TMEFF2: variants seen among roughly 807,000 people sequenced by gnomAD.
The protein encoded by TMEFF2 is transmembrane protein with EGF like and two follistatin like domains 2.
A neutral mutation model predicts 53.8 loss-of-function variants in TMEFF2; 28 were observed. That is an observed-to-expected ratio of 0.52 (90% CI 0.39 to 0.71). The LOEUF is 0.71. Among genes scored for constraint, TMEFF2 ranks in the 30% least tolerant of loss-of-function variants. The pLI, the probability that TMEFF2 is intolerant of heterozygous loss-of-function variation, is 0.00. For missense variants in TMEFF2, 353 were observed against 455.2 expected (o/e 0.78, Z 2.04); for synonymous variants, 162 against 166.3 (o/e 0.97, Z 0.20).
intron 5 of TMEFF2, among the ~76,000 whole-genome samples, chr2:192,024,451 A>AT: frequency 6.6e-6 from 1 of 152,334 alleles, no homozygotes; most frequent in African/African-American, 2.4e-5. Context: ...ATGGTATAGA[A>AT]TAGAGCTGTG....
At chr2:192,027,728 T>C (rs1027424032) in intron 5 of TMEFF2, 1 of 152,222 alleles carries the variant, frequency 6.6e-6, no homozygotes, top group Non-Finnish European at 1.5e-5. Context: ...TAATGTTCTG[T>C]TGTCATCAAC....
intron 3 of TMEFF2, 84 bp downstream of exon 3, chr2:192,184,270 T>C: frequency 6.6e-7 from 1 of 1,516,938 alleles, no homozygotes; most frequent in Non-Finnish European, 9.0e-7. Context: ...CTGAATTATT[T>C]ATTGGGAGAT....
intron 7 of TMEFF2, among the ~76,000 whole-genome samples, chr2:191,976,254 A>G (rs953061942): frequency 2.6e-5 from 4 of 152,204 alleles, no homozygotes; most frequent in Non-Finnish European, 5.9e-5. Context: ...GGGGATAATC[A>G]TAGTATTTGC....
chr2:191,974,003 C>G (rs773546471), intron 7 of TMEFF2, among the ~76,000 whole-genome samples: 2 of 152,124 alleles, frequency 1.3e-5, no homozygotes, highest in Non-Finnish European at 2.9e-5. Context: ...TATAAATTAT[C>G]CAATCTTGGA....
intron 4 of TMEFF2, among the ~76,000 whole-genome samples, chr2:192,157,442 A>G (rs558523246): frequency 8.0e-4 from 122 of 152,188 alleles, no homozygotes; most frequent in African/African-American, 2.9e-3. Flanking sequence ...ATAAAAACAC[A>G]TAAAAGTTAG....
At chr2:192,053,735 T>C (rs1448480150) in intron 5 of TMEFF2, among the ~76,000 whole-genome samples, 1 of 152,206 alleles carries the variant, frequency 6.6e-6, no homozygotes, top group African/African-American at 2.4e-5. Flanking sequence ...CTTGATTTAG[T>C]GAAGGTTCTG....
At chr2:192,088,730 T>G (rs1688721015) in intron 4 of TMEFF2, among the ~76,000 whole-genome samples, 1 of 152,152 alleles carries the variant, frequency 6.6e-6, no homozygotes, top group Non-Finnish European at 1.5e-5. Context: ...CTATTCCTTT[T>G]GCCTAAAATT....
chr2:192,006,619 T>TC (rs1686507879), intron 5 of TMEFF2, among the ~76,000 whole-genome samples: 1 of 152,180 alleles, frequency 6.6e-6, no homozygotes, highest in Non-Finnish European at 1.5e-5. Flanking sequence ...AGATAATGAC[T>TC]CAAGACTGTA....
chr2:192,048,352 T>G (rs985449685), intron 5 of TMEFF2, among the ~76,000 whole-genome samples: 1 of 95,134 alleles, frequency 1.1e-5, no homozygotes, highest in African/African-American at 4.5e-5. Context: ...TATTATTAGA[T>G]TCTCATAAAA....
intron 4 of TMEFF2, among the ~76,000 whole-genome samples, chr2:192,058,380 G>A (rs1687962987): frequency 6.6e-6 from 1 of 151,942 alleles, no homozygotes. Context: ...ATTGCATAGA[G>A]CTAATCACAG....
At position 192,148,143 on chromosome 2, in the gene TMEFF2, G is replaced by T. The variant is rs570299391; in HGVS notation, c.439+31525C>A. Reference sequence around the variant, plus strand: ...AATTTGGGCTATATTTCAAGGACAAGCTCCACTAACCTTTCTGCTCTTTTC... The same window carrying T: ...AATTTGGGCTATATTTCAAGGACAATCTCCACTAACCTTTCTGCTCTTTTC... On this transcript the variant is annotated intron_variant, in intron 4 of 9. Transcript: ENST00000272771. 5.9e-5 allele frequency among the ~76,000 whole-genome samples: 9 copies of T among 152,074 alleles called. No homozygotes were observed. The East Asian group carries it at 1.7e-3, about 30-fold the overall frequency.
At chr2:192,116,154 A>T (rs10469743) in intron 4 of TMEFF2, among the ~76,000 whole-genome samples, 2 of 151,930 alleles carry the variant, frequency 1.3e-5, no homozygotes, top group Non-Finnish European at 2.9e-5. Context: ...TTTTTTTCAG[A>T]CTTAAAAAGA....
chr2:192,092,941 G>A (rs1574365783), intron 4 of TMEFF2, among the ~76,000 whole-genome samples: 1 of 152,054 alleles, frequency 6.6e-6, no homozygotes, highest in East Asian at 1.9e-4. Context: ...TCTGACATCC[G>A]GGGCTATAAG....
chr2:192,001,795 C>T (rs939006668), intron 5 of TMEFF2, among the ~76,000 whole-genome samples: 4 of 152,138 alleles, frequency 2.6e-5, no homozygotes, highest in Non-Finnish European at 4.4e-5. Flanking sequence ...TCCCTACCCA[C>T]GTGGAACTGT....
At chr2:192,134,332 T>C (rs1223185928) in intron 4 of TMEFF2, among the ~76,000 whole-genome samples, 1 of 152,180 alleles carries the variant, frequency 6.6e-6, no homozygotes, top group Non-Finnish European at 1.5e-5. Context: ...ATCCACCTGA[T>C]GTTCATCCCA....
At chr2:192,182,152 AATAAAT>A (rs1035828543) in intron 3 of TMEFF2, among the ~76,000 whole-genome samples, 1 of 151,964 alleles carries the variant, frequency 6.6e-6, no homozygotes, top group Non-Finnish European at 1.5e-5. Flanking sequence ...AATGAAATAT[AATAAAT>A]ATAAAGTTAT....
chr2:192,067,808 C>T (rs1259654386), intron 4 of TMEFF2, among the ~76,000 whole-genome samples: 1 of 151,852 alleles, frequency 6.6e-6, no homozygotes, highest in Non-Finnish European at 1.5e-5. Context: ...CTGTTAATAA[C>T]TTACTCCATG....
chr2:192,078,637 T>C (rs1688486073), intron 4 of TMEFF2, among the ~76,000 whole-genome samples: 1 of 152,208 alleles, frequency 6.6e-6, no homozygotes. Flanking sequence ...GGACCCTGAT[T>C]AGCTCTTTCT....
intron 5 of TMEFF2, among the ~76,000 whole-genome samples, chr2:192,029,756 G>A (rs1431600200): frequency 2.0e-5 from 3 of 152,064 alleles, no homozygotes; most frequent in Non-Finnish European, 2.9e-5. Context: ...TGTATTTATC[G>A]ATGGATTTAG....
Sources: gnomAD v4.1 joint callset for allele counts (sites outside exome capture counted in the v4.1 genomes callset) on GRCh38, gnomAD v4.1.1 for gene constraint, MANE v1.5 for transcripts, NCBI Gene and HGNC (gene_info 2026-07-23, HGNC 2026-07-21) for gene names.